Variants in ROR1 observed in about 807,000 individuals in gnomAD.
ROR1 encodes inactive tyrosine-protein kinase transmembrane receptor ROR1.
In ROR1, 19 loss-of-function variants were observed where a neutral mutation model predicts 78.8. The observed-to-expected ratio is 0.24, with a 90% CI of 0.17 to 0.35. The LOEUF (loss-of-function observed/expected upper bound fraction) is 0.35, where lower values mean the gene tolerates loss of function less well. Among genes scored for constraint, ROR1 ranks in the 10% least tolerant of loss-of-function variants. ROR1 has a pLI of 1.00. For missense variants in ROR1, 917 were observed against 1,177.8 expected (o/e 0.78, Z 3.24); for synonymous variants, 386 against 433.6 (o/e 0.89, Z 1.36).
intron 1 of ROR1, among the ~76,000 whole-genome samples, chr1:63,819,968 T>C (rs935773763): frequency 1.2e-4 from 19 of 152,208 alleles, no homozygotes; most frequent in African/African-American, 3.4e-4. Context: ...GGTCCAGTTC[T>C]GAAAGTATTT....
intron 2 of ROR1, among the ~76,000 whole-genome samples, chr1:64,037,100 A>G (rs1288844379): frequency 2.0e-5 from 3 of 151,902 alleles, no homozygotes; most frequent in African/African-American, 7.3e-5. Context: ...TTTAAACCTG[A>G]CTCTGAAGTC....
rs140163395 is a variant in ROR1 at position 63,940,810 on chromosome 1, GACA to G, written c.92-68491_92-68489del. On this transcript the variant is annotated intron_variant, in intron 1 of 8. Coordinates refer to ENST00000371079, the MANE Select transcript of ROR1 (RefSeq NM_005012.4). ...TGGTAACTATACAGTGGAAAAAATG[GACA>G]ACATCTCAGCCAGATGATCAGGTTA... 1.6e-3 allele frequency among the ~76,000 whole-genome samples: 247 copies of G among 152,244 alleles called. 5 individuals are homozygous for G. In the East Asian group the frequency reaches 0.037, roughly 23 times the overall value.
chr1:63,833,542 C>T (rs761520434), intron 1 of ROR1, among the ~76,000 whole-genome samples: 2 of 152,114 alleles, frequency 1.3e-5, no homozygotes, highest in Non-Finnish European at 2.9e-5. Flanking sequence ...AGCTCGGGGA[C>T]GAGCCTCAGA....
At chr1:64,105,649 G>A (rs1267317195) in intron 4 of ROR1, 1 of 152,092 alleles carries the variant, frequency 6.6e-6, no homozygotes, top group Non-Finnish European at 1.5e-5. Flanking sequence ...ATAAGGAAGG[G>A]TGATCCAGTT....
At chr1:64,009,999 C>G (rs1646463259) in intron 2 of ROR1, among the ~76,000 whole-genome samples, 1 of 152,122 alleles carries the variant, frequency 6.6e-6, no homozygotes, top group East Asian at 1.9e-4. Flanking sequence ...ACCTTTCTAG[C>G]CTTAGTTATC....
At chr1:64,008,719 C>G (rs1646450428) in intron 1 of ROR1, among the ~76,000 whole-genome samples, 1 of 152,150 alleles carries the variant, frequency 6.6e-6, no homozygotes, top group South Asian at 2.1e-4. Flanking sequence ...ACTGCAACCT[C>G]CGCCTCCCAG....
At chr1:64,012,201 G>A (rs1292512101) in intron 2 of ROR1, among the ~76,000 whole-genome samples, 1 of 152,148 alleles carries the variant, frequency 6.6e-6, no homozygotes, top group Non-Finnish European at 1.5e-5. Context: ...GTATCCCATG[G>A]GGATAAGAGT....
At chr1:64,025,427 C>T (rs909612128) in intron 2 of ROR1, among the ~76,000 whole-genome samples, 2 of 152,088 alleles carry the variant, frequency 1.3e-5, no homozygotes, top group Non-Finnish European at 2.9e-5. Flanking sequence ...ATAGAACTAC[C>T]ATTTGATCCA....
intron 1 of ROR1, among the ~76,000 whole-genome samples, chr1:63,924,837 A>T (rs1645686284): frequency 6.6e-6 from 1 of 151,876 alleles, no homozygotes; most frequent in African/African-American, 2.4e-5. Context: ...GTGACATCTA[A>T]TCTAAATCTG....
intron 1 of ROR1, among the ~76,000 whole-genome samples, chr1:64,001,860 C>T (rs1029794348): frequency 3.9e-5 from 6 of 152,176 alleles, no homozygotes; most frequent in African/African-American, 1.4e-4. Flanking sequence ...TCAGCATCGG[C>T]GTCCACTTTG....
chr1:63,827,697 T>G (rs1326813941), intron 1 of ROR1, among the ~76,000 whole-genome samples: 1 of 152,196 alleles, frequency 6.6e-6, no homozygotes, highest in Non-Finnish European at 1.5e-5. Context: ...GATATTGCCA[T>G]GAAAATAGTA....
Position 63,875,163 on chromosome 1 carries a change from C to T in ROR1, c.91+100655C>T, listed in dbSNP as rs1475978323. Among the ~76,000 whole-genome samples, 4 of 152,122 alleles carry T rather than the reference C, an allele frequency of 2.6e-5. No homozygotes were observed. The East Asian group carries it at 7.7e-4, about 29-fold the overall frequency. On this transcript the variant is annotated intron_variant, in intron 1 of 8. Coordinates refer to ENST00000371079, the MANE Select transcript of ROR1 (RefSeq NM_005012.4). ...TTTAACCTCTCTGTAAACTTGTCTT[C>T]ATTTGTAAAGTCAGGGGTAATCATA...
intron 4 of ROR1, among the ~76,000 whole-genome samples, chr1:64,078,814 A>G (rs1647074343): frequency 6.6e-6 from 1 of 152,178 alleles, no homozygotes; most frequent in Non-Finnish European, 1.5e-5. Context: ...GTTAAAGGCA[A>G]GTCCAACAAG....
intron 7 of ROR1, among the ~76,000 whole-genome samples, chr1:64,157,214 T>A (rs1649799464): frequency 6.6e-6 from 1 of 152,208 alleles, no homozygotes; most frequent in African/African-American, 2.4e-5. Flanking sequence ...CACAGCTCAC[T>A]GCAGCCTCAA....
chr1:63,982,998 T>G (rs528742347), intron 1 of ROR1, among the ~76,000 whole-genome samples: 1 of 152,220 alleles, frequency 6.6e-6, no homozygotes, highest in African/African-American at 2.4e-5. Flanking sequence ...ATATATAGTA[T>G]GTACTCTGTA....
intron 4 of ROR1, among the ~76,000 whole-genome samples, chr1:64,124,693 T>C (rs1397246181): frequency 1.3e-5 from 2 of 152,186 alleles, no homozygotes; most frequent in African/African-American, 2.4e-5. Flanking sequence ...TCTTGTCATA[T>C]AGGAGCAAAT....
intron 1 of ROR1, among the ~76,000 whole-genome samples, chr1:63,904,658 T>C (rs1315772887): frequency 1.3e-5 from 2 of 152,184 alleles, no homozygotes; most frequent in Non-Finnish European, 2.9e-5. Context: ...ACAGATTAAG[T>C]TAAAATGAAG....
intron 8 of ROR1, among the ~76,000 whole-genome samples, chr1:64,161,299 T>C (rs1233255463): frequency 1.3e-5 from 2 of 152,188 alleles, no homozygotes; most frequent in African/African-American, 4.8e-5. Flanking sequence ...ACAGGATCTT[T>C]CACCTTTTCT....
intron 8 of ROR1, among the ~76,000 whole-genome samples, chr1:64,172,527 A>T (rs1650269049): frequency 6.6e-6 from 1 of 152,192 alleles, no homozygotes; most frequent in Non-Finnish European, 1.5e-5. Context: ...AGCATATAAT[A>T]AACCGAGGCC....
Sources: gnomAD v4.1 joint callset for allele counts (sites outside exome capture counted in the v4.1 genomes callset) on GRCh38, gnomAD v4.1.1 for gene constraint, MANE v1.5 for transcripts, NCBI Gene and HGNC (gene_info 2026-07-23, HGNC 2026-07-21) for gene names.